The following SYT1 variants were observed in gnomAD, a reference collection of about 807,000 sequenced individuals.
SYT1 encodes synaptotagmin-1.
Under a neutral mutation model 44.8 loss-of-function variants are expected in SYT1, and 8 were observed. That is an observed-to-expected ratio of 0.18 (90% confidence interval 0.10 to 0.32). SYT1 has a LOEUF of 0.32. Among genes scored for constraint, SYT1 ranks in the 10% least tolerant of loss-of-function variants. SYT1 has a pLI of 1.00. For synonymous variants in SYT1, 154 were observed against 188.8 expected (o/e 0.82, Z 1.51); for missense variants, 286 against 509.3 (o/e 0.56, Z 4.22).
chr12:78,891,816 A>G (rs1875068501), intron 1 of SYT1, among the ~76,000 whole-genome samples: 1 of 151,826 alleles, frequency 6.6e-6, no homozygotes, highest in African/African-American at 2.4e-5. Context: ...TTTAAAAGCT[A>G]AGTAATGGGT....
intron 1 of SYT1, among the ~76,000 whole-genome samples, chr12:78,944,466 T>A (rs1269696768): frequency 1.3e-5 from 2 of 152,000 alleles, no homozygotes; most frequent in African/African-American, 2.4e-5. Context: ...CATCTAATAT[T>A]TGTAAGTGGA....
intron 4 of SYT1, among the ~76,000 whole-genome samples, chr12:79,264,554 T>A (rs1192348643): frequency 6.6e-6 from 1 of 152,212 alleles, no homozygotes; most frequent in Non-Finnish European, 1.5e-5. Context: ...AGTCTATTGT[T>A]GTTGATGCAC....
At chr12:79,013,089 C>T (rs912425643) in intron 2 of SYT1, among the ~76,000 whole-genome samples, 4 of 152,022 alleles carry the variant, frequency 2.6e-5, no homozygotes, top group Non-Finnish European at 1.5e-5. Context: ...ACCAAAGAAG[C>T]CTACCTTGAT....
At chr12:78,976,107 C>A (rs772831459) in intron 1 of SYT1, among the ~76,000 whole-genome samples, 7 of 152,068 alleles carry the variant, frequency 4.6e-5, no homozygotes, top group Non-Finnish European at 8.8e-5. Context: ...ACTAGCATAT[C>A]CCAAATTTAC....
At chr12:79,052,376 C>T (rs550068541) in intron 3 of SYT1, among the ~76,000 whole-genome samples, 2 of 152,086 alleles carry the variant, frequency 1.3e-5, no homozygotes, top group East Asian at 1.9e-4. Context: ...TAAAGACTTA[C>T]ATGTTAGACC....
At chr12:79,208,201 T>A (rs1874238238) in intron 3 of SYT1, among the ~76,000 whole-genome samples, 1 of 152,170 alleles carries the variant, frequency 6.6e-6, no homozygotes, top group African/African-American at 2.4e-5. Context: ...AGAAGATAAC[T>A]ATGAGTTGTA....
intron 3 of SYT1, among the ~76,000 whole-genome samples, chr12:79,192,069 T>C (rs890531813): frequency 7.9e-5 from 12 of 152,172 alleles, no homozygotes; most frequent in African/African-American, 2.9e-4. Context: ...ATTCTTGTGT[T>C]AAAACATTAG....
intron 8 of SYT1, among the ~76,000 whole-genome samples, chr12:79,319,226 C>G (rs949324547): frequency 6.6e-6 from 1 of 152,142 alleles, no homozygotes; most frequent in East Asian, 1.9e-4. Flanking sequence ...TGGAAAATCA[C>G]GTATAGTGCA....
At chr12:79,246,843 T>G (rs1876878695) in intron 4 of SYT1, among the ~76,000 whole-genome samples, 1 of 152,222 alleles carries the variant, frequency 6.6e-6, no homozygotes, top group Non-Finnish European at 1.5e-5. Flanking sequence ...TTATCTCTTA[T>G]CTCAATTATT....
intron 6 of SYT1, among the ~76,000 whole-genome samples, chr12:79,294,215 A>G (rs1330461959): frequency 6.6e-6 from 1 of 152,052 alleles, no homozygotes; most frequent in African/African-American, 2.4e-5. Context: ...GAAAATAAAT[A>G]ATAACACTGA....
chr12:79,404,264 G>T (rs2136120363), intron 9 of SYT1, among the ~76,000 whole-genome samples: 1 of 152,148 alleles, frequency 6.6e-6, no homozygotes, highest in East Asian at 1.9e-4. Context: ...AAATTATAAT[G>T]GTGGTACTTA....
At position 79,450,828 on chromosome 12, in the gene SYT1, T is replaced by TC. The variant is rs1242515939; in HGVS notation, c.*1708dup. The stretch of plus-strand genomic sequence containing the variant: ...AGCACTGTGCAATATTCCATATTTT[T>TC]CCCCACTATGGTAGACAACCATTTC... On this transcript the variant is annotated 3_prime_UTR_variant, in exon 11 of 11. Coordinates refer to ENST00000261205, the MANE Select transcript of SYT1 (RefSeq NM_005639.3). 6.6e-6 allele frequency: 1 copy of TC among 152,662 alleles called. No homozygotes were observed. The highest frequency in any genetic ancestry group is 1.5e-5 in the Non-Finnish European group (1 of 68,044). 9.5% of individuals were successfully genotyped at this position (152,662 alleles called of 1,614,324 possible). A position where few individuals can be genotyped will look rare whatever the true frequency, so the allele number is the denominator to read the frequency against.
At chr12:79,141,752 C>T (rs536679011) in intron 3 of SYT1, among the ~76,000 whole-genome samples, 33 of 152,174 alleles carry the variant, frequency 2.2e-4, no homozygotes, top group African/African-American at 7.9e-4. Context: ...TTAATTTGAG[C>T]CTTGTGTATG....
rs557941270 is a variant in SYT1 at position 79,299,295 on chromosome 12, C to T, written c.643-89C>T. 1,222 of 1,408,306 alleles carry T rather than the reference C, an allele frequency of 8.7e-4. 3 individuals carry two copies. Among genetic ancestry groups the T allele is most frequent in the Non-Finnish European group, 1.1e-3 (1,140 of 1,022,500 alleles). The allele number at this position is 1,408,306 out of a possible 1,614,324, so 87.2% of individuals were successfully genotyped here. A position where few individuals can be genotyped will look rare whatever the true frequency, so the allele number is the denominator to read the frequency against. ...TTATCTCCCTGTTCTGTTTATGCAA[C>T]GTAAATATTAAATTAAGCACCATGA... On this transcript the variant is annotated intron_variant, in intron 7 of 10. Coordinates refer to ENST00000261205, the MANE Select transcript of SYT1 (RefSeq NM_005639.3).
chr12:79,140,016 G>A (rs533456459), intron 3 of SYT1, among the ~76,000 whole-genome samples: 1 of 152,284 alleles, frequency 6.6e-6, no homozygotes, highest in African/African-American at 2.4e-5. Context: ...TGGAACAGGG[G>A]CTCTCCACAG....
chr12:79,026,407 G>A (rs906178969), intron 2 of SYT1, among the ~76,000 whole-genome samples: 2 of 150,954 alleles, frequency 1.3e-5, no homozygotes, highest in Non-Finnish European at 1.5e-5. Context: ...ATTGAACATT[G>A]GAAAAAATGC....
At chr12:79,178,868 C>G (rs1354217114) in intron 3 of SYT1, among the ~76,000 whole-genome samples, 2 of 148,274 alleles carry the variant, frequency 1.3e-5, no homozygotes, top group African/African-American at 2.5e-5. Flanking sequence ...ATCTCCTCAG[C>G]CTCCTGAGTA....
chr12:79,214,844 T>C lies in SYT1; in HGVS notation c.-17-2659T>C, dbSNP rs79627957. ...AGTCCTCAAATATCTTCAACTATCC[T>C]GTACAGAGATAAGTAATAATGTGTG... On this transcript the variant is annotated intron_variant, in intron 3 of 10. Coordinates refer to ENST00000261205, the MANE Select transcript of SYT1 (RefSeq NM_005639.3). 2.4e-4 allele frequency among the ~76,000 whole-genome samples: 36 copies of C among 152,306 alleles called. No homozygotes were observed. In the East Asian group the frequency reaches 6.8e-3, roughly 29 times the overall value.
intron 3 of SYT1, among the ~76,000 whole-genome samples, chr12:79,178,403 C>A (rs1355200696): frequency 6.6e-6 from 1 of 151,978 alleles, no homozygotes; most frequent in Non-Finnish European, 1.5e-5. Context: ...TGAGAGCCAC[C>A]AGAAACCACC....
Sources: gnomAD v4.1 joint callset for allele counts (sites outside exome capture counted in the v4.1 genomes callset) on GRCh38, gnomAD v4.1.1 for gene constraint, MANE v1.5 for transcripts, NCBI Gene and HGNC (gene_info 2026-07-23, HGNC 2026-07-21) for gene names.